The following ALDH4A1 variants were observed in gnomAD, a reference collection of about 807,000 sequenced individuals.
ALDH4A1 encodes the protein delta-1-pyrroline-5-carboxylate dehydrogenase, mitochondrial.
Under a neutral mutation model 70.5 loss-of-function variants are expected in ALDH4A1, and 46 were observed. The ratio of observed to expected loss-of-function variants is 0.65; its 90% confidence interval spans 0.51 to 0.83. ALDH4A1 has a LOEUF of 0.83. ALDH4A1 is among the 40% of genes least tolerant of loss of function. ALDH4A1 has a pLI of 0.00. For synonymous variants in ALDH4A1, 323 were observed against 324.3 expected (o/e 1.00, Z 0.04); for missense variants, 749 against 766.5 (o/e 0.98, Z 0.27).
chr1:18,879,457 G>T, intron 8 of ALDH4A1, 84 bp from the exon 9 acceptor site: 1 of 1,256,038 alleles, frequency 8.0e-7, no homozygotes, highest in Non-Finnish European at 1.1e-6. Flanking sequence ...GCATTGCCGG[G>T]GGCAGCCCAG....
intron 1 of ALDH4A1, 93 bp from the exon 2 acceptor site, chr1:18,890,198 G>A: frequency 2.8e-6 from 3 of 1,085,732 alleles, no homozygotes; most frequent in Non-Finnish European, 4.1e-6. Context: ...GGGGTCCTAG[G>A]TGGGCACCCA....
intron 12 of ALDH4A1, among the ~76,000 whole-genome samples, chr1:18,875,968 G>C (rs934804635): frequency 1.3e-5 from 2 of 152,194 alleles, no homozygotes; most frequent in African/African-American, 4.8e-5. Context: ...TGTAAAATGG[G>C]AACAGTAACA....
intron 7 of ALDH4A1, 60 bp from the exon 8 acceptor site, chr1:18,881,947 C>T (rs1323918158): frequency 2.0e-6 from 3 of 1,482,456 alleles, no homozygotes; most frequent in Non-Finnish European, 2.8e-6. Context: ...CAACCCCCAC[C>T]CCACCCTACC....
Position 18,896,934 on chromosome 1 carries a change from G to A in ALDH4A1, c.62+5528C>T, listed in dbSNP as rs1047876415. 3.1e-5 allele frequency: 11 copies of A among 355,824 alleles called. No individual in the cohort carries two copies. In the East Asian group the frequency reaches 8.3e-4, roughly 27 times the overall value. 22.0% of individuals were successfully genotyped at this position (355,824 alleles called of 1,614,324 possible). A position where few individuals can be genotyped will look rare whatever the true frequency, so the allele number is the denominator to read the frequency against. ...AAGAAAGACCCAATGCCAGGGATGA[G>A]CTGCTTCAGCCACTGCCCAGCAAAC... On this transcript the variant is annotated intron_variant, in intron 1 of 14. Transcript: ENST00000375341.
intron 1 of ALDH4A1, among the ~76,000 whole-genome samples, chr1:18,895,661 C>A (rs1935592881): frequency 6.6e-6 from 1 of 152,182 alleles, no homozygotes; most frequent in Non-Finnish European, 1.5e-5. Context: ...ACCTTCTGCA[C>A]CAGGAGATGT....
intron 9 of ALDH4A1, among the ~76,000 whole-genome samples, chr1:18,879,026 T>C (rs1934853544): frequency 6.6e-6 from 1 of 152,100 alleles, no homozygotes; most frequent in South Asian, 2.1e-4. Flanking sequence ...TTAACTTAAT[T>C]AAAATGAAAG....
At chr1:18,879,403 A>T in intron 8 of ALDH4A1, 30 bp from the exon 9 acceptor site, 1 of 1,591,996 alleles carries the variant, frequency 6.3e-7, no homozygotes, top group Non-Finnish European at 8.6e-7. Context: ...GGTGGGGTTC[A>T]GGGAGCCAGG....
At chr1:18,892,554 G>A (rs1935473707) in intron 1 of ALDH4A1, among the ~76,000 whole-genome samples, 3 of 151,130 alleles carry the variant, frequency 2.0e-5, no homozygotes, top group Middle Eastern at 3.4e-3. Flanking sequence ...CAGGTAGAAG[G>A]AGGCGGGGGG....
Position 18,902,458 on chromosome 1 carries a change from T to C in ALDH4A1, c.62+4A>G. 1 of 1,375,900 alleles carries C rather than the reference T, an allele frequency of 7.3e-7. No homozygotes were observed. Among genetic ancestry groups the C allele is most frequent in the South Asian group, 1.6e-5 (1 of 61,390 alleles). 85.2% of individuals were successfully genotyped at this position (1,375,900 alleles called of 1,614,324 possible). The stretch of plus-strand genomic sequence containing the variant: ...GGGCCGCCCCGGGCCCCGTGCTCAC[T>C]CACCCGGCCCCGGTCCAGGGGCGGG... On this transcript the variant is annotated splice_donor_region_variant and intron_variant, in intron 1 of 14. Transcript: ENST00000375341.
At chr1:18,885,107 A>G (rs935517517) in intron 5 of ALDH4A1, among the ~76,000 whole-genome samples, 2 of 152,014 alleles carry the variant, frequency 1.3e-5, no homozygotes, top group Non-Finnish European at 2.9e-5. Flanking sequence ...CAGGAGTAAC[A>G]TCCTGGAGGT....
chr1:18,884,346 A>G (rs969943815), intron 5 of ALDH4A1, among the ~76,000 whole-genome samples: 1 of 152,020 alleles, frequency 6.6e-6, no homozygotes, highest in Non-Finnish European at 1.5e-5. Flanking sequence ...ACCGAGGAGC[A>G]GGCAGTGGCA....
intron 4 of ALDH4A1, among the ~76,000 whole-genome samples, chr1:18,885,844 G>GCT (rs1204178674): frequency 6.6e-6 from 1 of 152,206 alleles, no homozygotes; most frequent in Non-Finnish European, 1.5e-5. Context: ...GGCCCGGCCA[G>GCT]GTTGGTCAGC....
At chr1:18,877,783 G>A (rs545880082) in intron 9 of ALDH4A1, among the ~76,000 whole-genome samples, 171 bp from the exon 10 acceptor site, 2 of 152,334 alleles carry the variant, frequency 1.3e-5, no homozygotes, top group South Asian at 4.1e-4. Context: ...GAGACCCACG[G>A]GCCAGGCCCA....
At chr1:18,885,070 G>C (rs1935138568) in intron 5 of ALDH4A1, among the ~76,000 whole-genome samples, 2 of 152,148 alleles carry the variant, frequency 1.3e-5, no homozygotes, top group Non-Finnish European at 2.9e-5. Context: ...CCTCTCAGTG[G>C]TGGAGAGGTC....
intron 13 of ALDH4A1, 122 bp from the exon 14 acceptor site, chr1:18,874,703 G>C (rs1934596653): frequency 1.1e-6 from 1 of 909,054 alleles, no homozygotes; most frequent in African/African-American, 1.9e-5. Context: ...GGCCGAGTCA[G>C]GGATGAGGGA....
intron 1 of ALDH4A1, chr1:18,901,017 C>T (rs1013872812): frequency 2.0e-4 from 110 of 556,452 alleles, no homozygotes; most frequent in Non-Finnish European, 2.3e-4. Context: ...CCGAAAACTC[C>T]TCAAAGGCCC....
intron 1 of ALDH4A1, among the ~76,000 whole-genome samples, chr1:18,894,526 G>C (rs1408580739): frequency 1.3e-5 from 2 of 152,226 alleles, no homozygotes; most frequent in African/African-American, 4.8e-5. Context: ...CTGGGCAAGA[G>C]AGCAAGACTC....
At chr1:18,882,000 G>T in intron 7 of ALDH4A1, 113 bp from the exon 8 acceptor site, 1 of 1,098,554 alleles carries the variant, frequency 9.1e-7, no homozygotes, top group Non-Finnish European at 1.3e-6. Flanking sequence ...CAGACTCTGT[G>T]CCAACCAGGA....
In ALDH4A1 at chr1:18,890,008, T is replaced by A; in HGVS notation, c.156+4A>T. ...CTCTCGGGTGCCTCCCACCCTCCCA[T>A]TACCTTTTGCAGGGCATCTCGCTCA... On this transcript the variant is annotated splice_donor_region_variant and intron_variant, in intron 2 of 14. Coordinates refer to ENST00000375341, the MANE Select transcript of ALDH4A1 (RefSeq NM_003748.4). The A allele has an allele frequency of 6.2e-7, 1 of 1,603,052 alleles. No homozygotes were observed. The highest frequency in any genetic ancestry group is 8.5e-7 in the Non-Finnish European group (1 of 1,174,388).
Sources: gnomAD v4.1 joint callset for allele counts (sites outside exome capture counted in the v4.1 genomes callset) on GRCh38, gnomAD v4.1.1 for gene constraint, MANE v1.5 for transcripts, NCBI Gene and HGNC (gene_info 2026-07-23, HGNC 2026-07-21) for gene names.